MARK1: variants seen among roughly 807,000 people sequenced by gnomAD.
MARK1 encodes the protein serine/threonine-protein kinase MARK1.
MARK1 carries 40 observed loss-of-function variants against 96.3 expected under a neutral mutation model. The ratio of observed to expected loss-of-function variants is 0.42; its 90% CI spans 0.32 to 0.54. MARK1 has a LOEUF of 0.54. MARK1 is among the 20% of genes least tolerant of loss of function. MARK1 has a pLI of 0.16. For missense variants in MARK1, 719 were observed against 984.6 expected (o/e 0.73, Z 3.61); for synonymous variants, 317 against 341.2 (o/e 0.93, Z 0.78).
chr1:220,543,296 A>G (rs1390521726), intron 1 of MARK1, among the ~76,000 whole-genome samples: 1 of 152,216 alleles, frequency 6.6e-6, no homozygotes, highest in Non-Finnish European at 1.5e-5. Context: ...CAAATTGTTA[A>G]GCCAACATTT....
At position 220,631,056 on chromosome 1, in the gene MARK1, A is replaced by G; in HGVS notation, c.931A>G (p.Met311Val). ...SLEQIMKDRWMNVGHEEEELK... is the reference protein window; with the variant it reads ...SLEQIMKDRWVNVGHEEEELK... ...CTAGCAAATAATGAAAGATCGATGG[A>G]TGAATGTTGGTCATGAAGAGGAAGA... is the stretch of plus-strand genomic sequence containing the variant. Residue 311 changes from methionine (M) to valine (V), a missense_variant, in exon 10 of 18, where the codon ATG becomes GTG. By Grantham distance (21) the Met-to-Val change is conservative (BLOSUM62 1). Around this residue, in one of 4 missense-constraint regions of MARK1, gnomAD observed 501 missense variants for 588.3 expected, o/e 0.85. Transcript: ENST00000366917. 3 of 1,612,138 alleles carry G rather than the reference A, an allele frequency of 1.9e-6. No individual in the cohort carries two copies. In the South Asian group the frequency reaches 3.3e-5, roughly 18 times the overall value.
intron 9 of MARK1, among the ~76,000 whole-genome samples, chr1:220,619,862 A>G (rs139663336): frequency 2.4e-4 from 36 of 152,326 alleles, no homozygotes; most frequent in African/African-American, 7.9e-4. Context: ...CCTTAATAGA[A>G]AGGGTAGAGA....
At chr1:220,544,495 G>A (rs1661349162) in intron 1 of MARK1, among the ~76,000 whole-genome samples, 1 of 152,154 alleles carries the variant, frequency 6.6e-6, no homozygotes. Flanking sequence ...ACCATGGGAT[G>A]ACGCAGGCTG....
chr1:220,621,848 C>G (rs1667070397), intron 9 of MARK1, among the ~76,000 whole-genome samples: 1 of 151,968 alleles, frequency 6.6e-6, no homozygotes, highest in Admixed American at 6.6e-5. Flanking sequence ...TTTAACTTAC[C>G]TTTCTGTTGC....
Position 220,663,606 on chromosome 1 carries a change from A to G in MARK1, c.*1440A>G, listed in dbSNP as rs1669591190. ...TCAGTTTAAAGAAAATAAAGCTGTG[A>G]TAAATACTGTAATTCCAACCTACAT... On this transcript the variant is annotated 3_prime_UTR_variant, in exon 18 of 18. Transcript: ENST00000366917. 1 of 152,632 alleles carries G rather than the reference A, an allele frequency of 6.6e-6. No individual in the cohort carries two copies. Among genetic ancestry groups the G allele is most frequent in the Non-Finnish European group, 1.5e-5 (1 of 68,016 alleles). The allele number at this position is 152,632 out of a possible 1,614,324, so 9.5% of individuals were successfully genotyped here. A position where few individuals can be genotyped will look rare whatever the true frequency, so the allele number is the denominator to read the frequency against.
chr1:220,652,874 T>A (rs1189622651), intron 15 of MARK1, among the ~76,000 whole-genome samples: 1 of 152,212 alleles, frequency 6.6e-6, no homozygotes, highest in Non-Finnish European at 1.5e-5. Flanking sequence ...GAAAAGTATT[T>A]ATCTTTGTGT....
chr1:220,535,871 C>A (rs530823102), intron 1 of MARK1, among the ~76,000 whole-genome samples: 6 of 152,226 alleles, frequency 3.9e-5, no homozygotes, highest in African/African-American at 1.2e-4. Context: ...TAGTGTATAT[C>A]TCTGTCTTTA....
intron 3 of MARK1, among the ~76,000 whole-genome samples, chr1:220,585,026 TAAG>T (rs1346614644): frequency 6.6e-6 from 1 of 152,190 alleles, no homozygotes; most frequent in African/African-American, 2.4e-5. Context: ...ACATAAGTGA[TAAG>T]AGAATTATTA....
In MARK1 at chr1:220,654,846, C is replaced by T. The variant is rs1321129049; in HGVS notation, c.1988+1494C>T. On this transcript the variant is annotated intron_variant, in intron 16 of 17. Coordinates refer to ENST00000366917, the MANE Select transcript of MARK1 (RefSeq NM_018650.5). This position sits in a 1 kb window ranked among gnomAD's most constrained non-coding sequence, Gnocchi z 4.0. ...CTTAACTGCAACAAAAATTTAGACT[C>T]TAGGGGAAACAGAGTACTTTGGAAA... 1.3e-5 allele frequency among the ~76,000 whole-genome samples: 2 copies of T among 152,186 alleles called. No homozygotes were observed. Among genetic ancestry groups the T allele is most frequent in the African/African-American group, 4.8e-5 (2 of 41,452 alleles).
chr1:220,578,107 A>G (rs1432587919), intron 1 of MARK1, among the ~76,000 whole-genome samples: 1 of 152,232 alleles, frequency 6.6e-6, no homozygotes, highest in Admixed American at 6.5e-5. Flanking sequence ...AGGTGGGGCA[A>G]TATAACTCTG....
In MARK1 at chr1:220,611,341, A is replaced by G. The variant is rs189768333; in HGVS notation, c.496-4598A>G. Among the ~76,000 whole-genome samples the G allele has an allele frequency of 3.8e-3, 581 of 152,360 alleles. 1 individual carries two copies. The highest frequency in any genetic ancestry group is 0.013 in the African/African-American group (542 of 41,596). ...CAGATCAATCTCAGACTGTTGTGCT[A>G]GCGGTGAGCAAGGCTCCGTGGGCGT... On this transcript the variant is annotated intron_variant, in intron 6 of 17. Coordinates refer to ENST00000366917, the MANE Select transcript of MARK1 (RefSeq NM_018650.5).
At chr1:220,543,245 A>G (rs929354006) in intron 1 of MARK1, among the ~76,000 whole-genome samples, 1 of 152,212 alleles carries the variant, frequency 6.6e-6, no homozygotes, top group African/African-American at 2.4e-5. Context: ...TTAAGTAGCA[A>G]CATAAACTGG....
chr1:220,551,699 A>G (rs917796174), intron 1 of MARK1, among the ~76,000 whole-genome samples: 10 of 152,210 alleles, frequency 6.6e-5, no homozygotes, highest in African/African-American at 2.2e-4. Context: ...GGGGAATCAA[A>G]AAGAAAAAAA....
intron 5 of MARK1, among the ~76,000 whole-genome samples, chr1:220,601,076 C>T (rs1365433035): frequency 4.0e-5 from 6 of 151,716 alleles, no homozygotes; most frequent in South Asian, 2.1e-4. Flanking sequence ...TGCCACCGTG[C>T]CCGGCTAATT....
At chr1:220,566,740 C>G (rs73093527) in intron 1 of MARK1, among the ~76,000 whole-genome samples, 3 of 152,004 alleles carry the variant, frequency 2.0e-5, no homozygotes, top group Non-Finnish European at 4.4e-5. Flanking sequence ...TACTAATTTG[C>G]TTAGAAAGTA....
rs141067978 is a variant in MARK1, at chr1:220,594,371, C to G, written c.310-3960C>G. ...AATAGCAGAAGTCCAAAACACAGCA[C>G]CAAATGCTGGCAAGTTTGTGGAGCA... On this transcript the variant is annotated intron_variant, in intron 3 of 17. Coordinates refer to ENST00000366917, the MANE Select transcript of MARK1 (RefSeq NM_018650.5). 1.7e-3 allele frequency among the ~76,000 whole-genome samples: 266 copies of G among 152,284 alleles called. 1 individual carries two copies. The highest frequency in any genetic ancestry group is 6.0e-3 in the African/African-American group (251 of 41,556).
At chr1:220,556,041 C>G (rs1662220635) in intron 1 of MARK1, among the ~76,000 whole-genome samples, 1 of 152,192 alleles carries the variant, frequency 6.6e-6, no homozygotes, top group Non-Finnish European at 1.5e-5. Flanking sequence ...TAAGCACAAG[C>G]TGACATAATG....
intron 1 of MARK1, among the ~76,000 whole-genome samples, chr1:220,530,152 C>A (rs1042015491): frequency 6.6e-6 from 1 of 152,122 alleles, no homozygotes; most frequent in African/African-American, 2.4e-5. Flanking sequence ...AGAAGAAATT[C>A]TACTAAGAGA....
At chr1:220,658,431 CGA>C (rs1558330333) in intron 17 of MARK1, among the ~76,000 whole-genome samples, 1 of 152,120 alleles carries the variant, frequency 6.6e-6, no homozygotes, top group Admixed American at 6.5e-5. Context: ...ATTCAGGGGC[CGA>C]GGCAGGTGCC....
Sources: allele counts gnomAD v4.1 joint callset (sites outside exome capture counted in the v4.1 genomes callset), GRCh38; gene constraint gnomAD v4.1.1; regional missense constraint gnomAD v4.1.1; non-coding constraint Gnocchi (gnomAD v3.1); transcripts MANE v1.5; gene names NCBI Gene and HGNC (gene_info 2026-07-23, HGNC 2026-07-21).